BMPR2: variants seen among roughly 807,000 people sequenced by gnomAD.
BMPR2 encodes bone morphogenetic protein receptor type 2, also known as bone morphogenetic protein receptor type-2.
Under a neutral mutation model 100.8 loss-of-function variants are expected in BMPR2, and 29 were observed. The ratio of observed to expected loss-of-function variants is 0.29; its 90% CI spans 0.21 to 0.39. BMPR2 has a LOEUF of 0.39. BMPR2 is among the 10% of genes least tolerant of loss of function. The probability of loss-of-function intolerance (pLI) is 1.00; values close to 1 mark genes in which losing one functional copy is unlikely to be tolerated. For synonymous variants in BMPR2, 382 were observed against 442.3 expected, an observed-to-expected ratio of 0.86 and a Z score of 1.71; for missense variants, 1,011 against 1,274.5, an observed-to-expected ratio of 0.79 and a Z score of 3.15.
chr2:202,517,955 G>A (rs866431375), intron 5 of BMPR2, among the ~76,000 whole-genome samples: 4 of 146,746 alleles, frequency 2.7e-5, no homozygotes, highest in Non-Finnish European at 4.5e-5. Context: ...TGGGACTACA[G>A]GCGCCCACCA....
rs150588192 is a variant in BMPR2 at position 202,559,157 on chromosome 2, C to T, written c.2867-539C>T. Among the ~76,000 whole-genome samples the T allele has an allele frequency of 2.5e-3, 377 of 151,952 alleles. 3 individuals are homozygous for T. The highest frequency in any genetic ancestry group is 8.4e-3 in the African/African-American group (348 of 41,458). On this transcript the variant is annotated intron_variant, in intron 12 of 12. Transcript: ENST00000374580. ...TCTCTACTAAAATACAAAAAATTAG[C>T]TGGTCATGGTGGCATGCGCCTGTAG...
chr2:202,397,949 G>C (rs974216413), intron 1 of BMPR2, among the ~76,000 whole-genome samples: 36 of 151,522 alleles, frequency 2.4e-4, no homozygotes, highest in Admixed American at 8.5e-4. Context: ...GGTGAAACCC[G>C]GTCTCTACTG....
chr2:202,457,503 C>T (rs1692137016), intron 1 of BMPR2, among the ~76,000 whole-genome samples: 1 of 140,946 alleles, frequency 7.1e-6, no homozygotes, highest in African/African-American at 2.6e-5. Context: ...TTATTTTTAG[C>T]AAGCAATAAT....
chr2:202,416,986 G>A (rs1691143846), intron 1 of BMPR2, among the ~76,000 whole-genome samples: 1 of 151,204 alleles, frequency 6.6e-6, no homozygotes, highest in Non-Finnish European at 1.5e-5. Context: ...ACAGGCACCC[G>A]CCACCACGCC....
intron 10 of BMPR2, among the ~76,000 whole-genome samples, chr2:202,550,233 T>G (rs960944509): frequency 1.3e-5 from 2 of 151,860 alleles, no homozygotes; most frequent in South Asian, 2.1e-4. Context: ...ATTAGCCAGG[T>G]GTGGTGGCGG....
chr2:202,379,838 T>TTTTCTTTCTTTC (rs3044179), intron 1 of BMPR2, among the ~76,000 whole-genome samples: 2,683 of 150,452 alleles, frequency 0.018, 42 homozygotes, highest in Middle Eastern at 0.027. Flanking sequence ...TCTTAGAACA[T>TTTTCTTTCTTTC]TTTCTTTCTT....
chr2:202,531,894 C>G (rs1688035991), intron 8 of BMPR2, among the ~76,000 whole-genome samples: 1 of 144,880 alleles, frequency 6.9e-6, no homozygotes, highest in African/African-American at 2.5e-5. Context: ...TCCCAAAGTG[C>G]TGCAATTACA....
At chr2:202,456,859 C>A (rs375857431) in intron 1 of BMPR2, among the ~76,000 whole-genome samples, 1 of 152,144 alleles carries the variant, frequency 6.6e-6, no homozygotes, top group African/African-American at 2.4e-5. Context: ...CTGCTACTCA[C>A]AGTGAACCCG....
At position 202,520,077 on chromosome 2, in the gene BMPR2, C is replaced by G; in HGVS notation, c.853-10C>G. ...CCTTTTTTTTTTTTCGCATTTTTTC[C>G]TCTATATAGGGATCTTTATGCAAGT... On this transcript the variant is annotated splice_polypyrimidine_tract_variant and intron_variant, in intron 6 of 12. Transcript: ENST00000374580. 1 of 1,507,058 alleles carries G rather than the reference C, an allele frequency of 6.6e-7. No individual in the cohort carries two copies. 93.4% of individuals were successfully genotyped at this position (1,507,058 alleles called of 1,614,324 possible). A position where few individuals can be genotyped will look rare whatever the true frequency, so the allele number is the denominator to read the frequency against.
chr2:202,563,811 A>G lies in BMPR2; in HGVS notation c.*3865A>G, dbSNP rs1206955474. 2.0e-5 allele frequency: 3 copies of G among 152,228 alleles called. No homozygotes were observed. Among genetic ancestry groups the G allele is most frequent in the African/African-American group, 7.2e-5 (3 of 41,470 alleles). The allele number at this position is 152,228 out of a possible 1,614,324, so 9.4% of individuals were successfully genotyped here. ...ATCAATCCTTTGAATCCATCTTCAA[A>G]ACTTCTGCTTTTAATAACTTTAGAA... On this transcript the variant is annotated 3_prime_UTR_variant, in exon 13 of 13. Transcript: ENST00000374580.
intron 1 of BMPR2, among the ~76,000 whole-genome samples, chr2:202,461,969 G>T (rs1031710395): frequency 6.6e-6 from 1 of 151,780 alleles, no homozygotes; most frequent in African/African-American, 2.4e-5. Flanking sequence ...CAACGTGCAG[G>T]TTTGTTACAT....
chr2:202,442,185 T>C (rs1267616999), intron 1 of BMPR2, among the ~76,000 whole-genome samples: 2 of 150,592 alleles, frequency 1.3e-5, no homozygotes, highest in Non-Finnish European at 2.9e-5. Flanking sequence ...CAGTGATCTT[T>C]TACTTTATAG....
chr2:202,454,854 A>G (rs956752239), intron 1 of BMPR2, among the ~76,000 whole-genome samples: 2 of 152,226 alleles, frequency 1.3e-5, no homozygotes, highest in Admixed American at 6.5e-5. Flanking sequence ...TTGAAACAAC[A>G]GCAATTTATT....
intron 1 of BMPR2, among the ~76,000 whole-genome samples, chr2:202,460,759 G>A (rs1279112254): frequency 6.8e-6 from 1 of 146,594 alleles, no homozygotes; most frequent in Non-Finnish European, 1.5e-5. Context: ...AAAAATGAAT[G>A]AAAACAGTTA....
chr2:202,400,367 C>G (rs1262685402), intron 1 of BMPR2, among the ~76,000 whole-genome samples: 1 of 138,182 alleles, frequency 7.2e-6, no homozygotes, highest in Non-Finnish European at 1.5e-5. Flanking sequence ...CCAGGCTGGT[C>G]TTGAACTCCT....
chr2:202,385,734 T>A (rs2105898892), intron 1 of BMPR2, among the ~76,000 whole-genome samples: 1 of 152,174 alleles, frequency 6.6e-6, no homozygotes, highest in Admixed American at 6.6e-5. Flanking sequence ...TATCTGTTTT[T>A]TTTACATAGA....
intron 11 of BMPR2, among the ~76,000 whole-genome samples, chr2:202,554,887 C>T (rs1434805309): frequency 6.6e-6 from 1 of 152,166 alleles, no homozygotes; most frequent in Admixed American, 6.5e-5. Flanking sequence ...TACCATGGTT[C>T]TTCCTCTCAT....
intron 12 of BMPR2, 89 bp from the exon 13 acceptor site, chr2:202,559,607 A>C (rs1481015675): frequency 7.1e-7 from 1 of 1,399,226 alleles, no homozygotes; most frequent in Non-Finnish European, 1.0e-6. Flanking sequence ...CTCCTGAGAC[A>C]TTGGTTTGAC....
At chr2:202,498,141 A>G (rs1693083066) in intron 3 of BMPR2, among the ~76,000 whole-genome samples, 1 of 152,166 alleles carries the variant, frequency 6.6e-6, no homozygotes, top group Non-Finnish European at 1.5e-5. Flanking sequence ...GACAGGGGTA[A>G]AGTCCCAAGA....
Sources: gnomAD v4.1 joint callset for allele counts (sites outside exome capture counted in the v4.1 genomes callset) on GRCh38, gnomAD v4.1.1 for gene constraint, MANE v1.5 for transcripts, NCBI Gene and HGNC (gene_info 2026-07-23, HGNC 2026-07-21) for gene names.